Variants in ALMS1 observed in about 807,000 individuals in gnomAD.
The protein encoded by ALMS1 is centrosome-associated protein ALMS1.
In ALMS1, 271 loss-of-function variants were observed where a neutral mutation model predicts 352.2. That is an observed-to-expected ratio of 0.77 (90% CI 0.70 to 0.85). The LOEUF is 0.85. ALMS1 is among the 40% of genes least tolerant of loss of function. The pLI, the probability that ALMS1 is intolerant of heterozygous loss-of-function variation, is 0.00. For missense variants in ALMS1, 5,445 were observed against 4,870.7 expected (o/e 1.12, Z -3.51); for synonymous variants, 1,865 against 1,761.2 (o/e 1.06, Z -1.48).
At chr2:73,396,614 T>C (rs2103645724) in intron 1 of ALMS1, among the ~76,000 whole-genome samples, 1 of 149,478 alleles carries the variant, frequency 6.7e-6, no homozygotes, top group African/African-American at 2.5e-5. Flanking sequence ...TCACTCTTTT[T>C]TCTTCTTATG....
chr2:73,590,677 C>CTTTTTTTTT (rs35264211), intron 16 of ALMS1, among the ~76,000 whole-genome samples: 2 of 108,444 alleles, frequency 1.8e-5, no homozygotes, highest in Admixed American at 1.0e-4. Context: ...TGTTTTATTA[C>CTTTTTTTTT]TTTTTTTTTT....
intron 1 of ALMS1, among the ~76,000 whole-genome samples, chr2:73,391,941 G>A (rs1196210424): frequency 1.3e-5 from 2 of 151,934 alleles, no homozygotes; most frequent in African/African-American, 4.8e-5. Flanking sequence ...CCTTTCTTGG[G>A]TTAATTTTGG....
intron 9 of ALMS1, among the ~76,000 whole-genome samples, chr2:73,487,119 C>A (rs952403410): frequency 9.2e-5 from 14 of 152,156 alleles, no homozygotes; most frequent in African/African-American, 3.4e-4. Context: ...AGCTGGAAAC[C>A]ACTGTGGCCA....
At chr2:73,594,528 T>C (rs948725690) in intron 16 of ALMS1, among the ~76,000 whole-genome samples, 1 of 152,230 alleles carries the variant, frequency 6.6e-6, no homozygotes, top group Non-Finnish European at 1.5e-5. Flanking sequence ...ACTGGAGTCC[T>C]GTGAATCCTA....
At chr2:73,421,595 A>T (rs1282661000) in intron 3 of ALMS1, among the ~76,000 whole-genome samples, 3 of 152,178 alleles carry the variant, frequency 2.0e-5, no homozygotes, top group Non-Finnish European at 4.4e-5. Flanking sequence ...TCTTTTGAGT[A>T]CCTTTTAAGT....
Position 73,454,059 on chromosome 2 carries a change from G to A in ALMS1, c.7532G>A (p.Arg2511Gln), listed in dbSNP as rs772807204. Residue 2511 changes from arginine (R) to glutamine (Q), a missense_variant, in exon 8 of 23, where the codon CGA becomes CAA. Arg to Gln is a conservative substitution (Grantham distance 43). Coordinates refer to ENST00000613296, the MANE Select transcript of ALMS1 (RefSeq NM_001378454.1). ...RNAEEEESRVRAHAWNMKFNL... is the reference protein window; with the variant it reads ...RNAEEEESRVQAHAWNMKFNL... Reference sequence around the variant, plus strand: ...GCAGAGGAAGAGGAAAGCCGGGTACGAGCACATGGTAAGAAGAAAGTTTCA... The same window carrying A: ...GCAGAGGAAGAGGAAAGCCGGGTACAAGCACATGGTAAGAAGAAAGTTTCA... The A allele has an allele frequency of 2.5e-6, 4 of 1,609,576 alleles. No homozygotes were observed. The highest frequency in any genetic ancestry group is 1.7e-5 in the Admixed American group (1 of 59,596).
At chr2:73,601,738 G>T (rs1356182654) in intron 19 of ALMS1, among the ~76,000 whole-genome samples, 1 of 152,254 alleles carries the variant, frequency 6.6e-6, no homozygotes, top group Non-Finnish European at 1.5e-5. Flanking sequence ...GGGCCCGGAG[G>T]CCTGACGCTT....
chr2:73,517,861 T>C (rs1005121113), intron 10 of ALMS1, among the ~76,000 whole-genome samples: 5 of 152,114 alleles, frequency 3.3e-5, no homozygotes, highest in African/African-American at 1.2e-4. Context: ...TTTCACCATG[T>C]TGGCCAGGCT....
At chr2:73,506,583 C>G (rs895073011) in intron 10 of ALMS1, among the ~76,000 whole-genome samples, 5 of 151,978 alleles carry the variant, frequency 3.3e-5, no homozygotes, top group African/African-American at 1.2e-4. Context: ...ATTTGGCTCT[C>G]TATTATTGGT....
At chr2:73,505,853 T>C (rs886725671) in intron 10 of ALMS1, among the ~76,000 whole-genome samples, 3 of 152,218 alleles carry the variant, frequency 2.0e-5, no homozygotes, top group Non-Finnish European at 2.9e-5. Flanking sequence ...GTTTTAGTCA[T>C]GAAACCTTTG....
chr2:73,417,953 G>A (rs1434111371), intron 2 of ALMS1, among the ~76,000 whole-genome samples: 1 of 152,164 alleles, frequency 6.6e-6, no homozygotes, highest in African/African-American at 2.4e-5. Flanking sequence ...TTACTGGTCT[G>A]TCAAGAGGTA....
At chr2:73,571,622 C>T (rs1322833147) in intron 15 of ALMS1, among the ~76,000 whole-genome samples, 4 of 151,638 alleles carry the variant, frequency 2.6e-5, no homozygotes, top group Admixed American at 6.6e-5. Context: ...CTTAGAGGGA[C>T]GCAAACATTC....
chr2:73,443,666 C>G (rs1174537122), intron 7 of ALMS1, among the ~76,000 whole-genome samples: 1 of 151,964 alleles, frequency 6.6e-6, no homozygotes, highest in African/African-American at 2.4e-5. Context: ...TATTTTTGCA[C>G]CTGGCTGTGA....
At chr2:73,424,035 C>G (rs183218737) in intron 4 of ALMS1, among the ~76,000 whole-genome samples, 7 of 152,296 alleles carry the variant, frequency 4.6e-5, no homozygotes, top group Admixed American at 4.6e-4. Flanking sequence ...GCCTCAGCCT[C>G]CCAGAGTGCT....
At position 73,491,268 on chromosome 2, in the gene ALMS1, C is replaced by T. The variant is rs1319009177; in HGVS notation, c.9309C>T (p.Thr3103=). The change falls in exon 10 of 23, where the codon ACC becomes ACT. Residue 3103 remains threonine, a synonymous_variant. Coordinates refer to ENST00000613296, the MANE Select transcript of ALMS1 (RefSeq NM_001378454.1). ...TGGAACCAACCTCCAAATTATTGAC[C>T]AGTAAACCTGTAGCACAGGATCAAG... ...RSLEPTSKLL[T]SKPVAQDQES... is the part of the protein sequence containing the mutation. The T allele has an allele frequency of 7.4e-6, 12 of 1,614,092 alleles. No homozygotes were observed. The African/African-American group carries it at 8.0e-5, about 11-fold the overall frequency.
intron 11 of ALMS1, among the ~76,000 whole-genome samples, chr2:73,532,056 C>G (rs1673926930): frequency 6.6e-6 from 1 of 152,220 alleles, no homozygotes; most frequent in East Asian, 1.9e-4. Context: ...CTCTGGATTA[C>G]CAGGTAGAGA....
At position 73,559,058 on chromosome 2, in the gene ALMS1, C is replaced by T; in HGVS notation, c.10300C>T (p.Gln3434Ter). The T allele has an allele frequency of 6.2e-7, 1 of 1,613,982 alleles. No individual in the cohort carries two copies. Among genetic ancestry groups the T allele is most frequent in the South Asian group, 1.1e-5 (1 of 91,076 alleles). The part of the protein sequence containing the change: ...KNLPDTKAIT[Q>*]KEEIHRKKTV... Reference sequence around the variant, plus strand: ...CTTGCCAGACACTAAAGCCATTACACAGAAAGAGGAGATCCATAGGAAGAA... The same window carrying T: ...CTTGCCAGACACTAAAGCCATTACATAGAAAGAGGAGATCCATAGGAAGAA... Residue 3434 changes from glutamine to a stop codon, truncating the protein, a stop_gained, in exon 15 of 23, where the codon CAG (glutamine) becomes TAG (stop). Coordinates refer to ENST00000613296, the MANE Select transcript of ALMS1 (RefSeq NM_001378454.1). LOFTEE classifies it high-confidence loss of function.
chr2:73,592,972 T>A (rs917188909), intron 16 of ALMS1, among the ~76,000 whole-genome samples: 4 of 152,086 alleles, frequency 2.6e-5, no homozygotes, highest in Non-Finnish European at 5.9e-5. Context: ...CTTCCAAGAT[T>A]GTGTACAAGA....
intron 16 of ALMS1, among the ~76,000 whole-genome samples, chr2:73,597,665 G>T (rs955670914): frequency 5.9e-5 from 9 of 151,714 alleles, no homozygotes; most frequent in African/African-American, 1.9e-4. Context: ...TGCAGATTTC[G>T]TTTCCTTTTC....
Sources: allele counts gnomAD v4.1 joint callset (sites outside exome capture counted in the v4.1 genomes callset), GRCh38; gene constraint gnomAD v4.1.1; transcripts MANE v1.5; gene names NCBI Gene and HGNC (gene_info 2026-07-23, HGNC 2026-07-21).